The following DMD variants were observed in gnomAD, a reference collection of about 807,000 sequenced individuals.
The protein encoded by DMD is dystrophin.
In DMD, 63 loss-of-function variants were observed where a neutral mutation model predicts 330.1. That is an observed-to-expected ratio of 0.19 (90% CI 0.16 to 0.24). The LOEUF (loss-of-function observed/expected upper bound fraction) is 0.24, where lower values mean the gene tolerates loss of function less well. DMD is among the 10% of genes least tolerant of loss of function. The pLI, the probability that DMD is intolerant of heterozygous loss-of-function variation, is 1.00. For synonymous variants in DMD, 1,223 were observed against 959.8 expected (o/e 1.27, Z -5.07); for missense variants, 3,344 against 2,684.1 (o/e 1.25, Z -5.43).
At chrX:32,483,146 C>CATATATATATATAT (rs201134649) in intron 21 of DMD, among the ~76,000 whole-genome samples, 22 of 39,284 alleles carry the variant, frequency 5.6e-4, no homozygotes, top group African/African-American at 1.3e-3. Flanking sequence ...TTTTTCATTC[C>CATATATATATATAT]ATATATATAT....
intron 54 of DMD, among the ~76,000 whole-genome samples, chrX:31,643,151 T>C (rs1207319278): frequency 2.7e-5 from 3 of 111,694 alleles, no homozygotes; most frequent in African/African-American, 9.8e-5. Flanking sequence ...TGAATAAATG[T>C]CAATAGGAAA....
chrX:32,236,793 T>G (rs1277021476), intron 43 of DMD, among the ~76,000 whole-genome samples: 1 of 111,896 alleles, frequency 8.9e-6, no homozygotes. Flanking sequence ...GAAAACCGAC[T>G]AATATGAAGT....
intron 44 of DMD, among the ~76,000 whole-genome samples, chrX:32,020,156 T>G (rs772191742): frequency 8.0e-5 from 9 of 112,600 alleles, no homozygotes; most frequent in Non-Finnish European, 1.5e-4. Context: ...CTGTCTTTCT[T>G]TCAATTAAAA....
At chrX:33,021,099 C>G (rs2093906054) in intron 1 of DMD, among the ~76,000 whole-genome samples, 1 of 111,269 alleles carries the variant, frequency 9.0e-6, no homozygotes, top group Admixed American at 9.6e-5. Flanking sequence ...TCTAAAATTT[C>G]TAGGACCTCT....
chrX:32,059,336 T>C (rs762828162), intron 44 of DMD, among the ~76,000 whole-genome samples: 6 of 110,822 alleles, frequency 5.4e-5, no homozygotes, highest in Non-Finnish European at 9.5e-5. Context: ...TGCCAACTGG[T>C]TGGGAAATGG....
intron 17 of DMD, among the ~76,000 whole-genome samples, chrX:32,518,895 T>C (rs2148810855): frequency 9.1e-6 from 1 of 109,578 alleles, no homozygotes; most frequent in Admixed American, 9.8e-5. Context: ...CGTTGAAGAA[T>C]TAGGAGAAAT....
chrX:31,340,818 A>G (rs2057689421), intron 61 of DMD, among the ~76,000 whole-genome samples: 1 of 112,234 alleles, frequency 8.9e-6, no homozygotes, highest in Non-Finnish European at 1.9e-5. Flanking sequence ...TTCTGTAAAT[A>G]TTTACTGAAC....
intron 41 of DMD, among the ~76,000 whole-genome samples, chrX:32,322,887 G>A (rs2097626338): frequency 8.9e-6 from 1 of 111,957 alleles, no homozygotes; most frequent in East Asian, 2.9e-4. Context: ...CCATCATGAT[G>A]ACTGCAAAGC....
At chrX:32,098,502 A>C (rs2096523453) in intron 44 of DMD, among the ~76,000 whole-genome samples, 2 of 111,790 alleles carry the variant, frequency 1.8e-5, no homozygotes, top group South Asian at 3.7e-4. Context: ...GAAAATGAGA[A>C]TTTTCATGTG....
chrX:31,347,013 AAAAAAAAAAAAAAAAAAAAAAAAG>A (rs2058119612), intron 61 of DMD, among the ~76,000 whole-genome samples: 2 of 75,782 alleles, frequency 2.6e-5, no homozygotes, highest in Admixed American at 3.0e-4. Context: ...AAAAAAAAAA[AAAAAAAAAAAAAAAAAAAAAAAAG>A]GAAGGATGCA....
At chrX:32,056,858 C>G (rs931158365) in intron 44 of DMD, among the ~76,000 whole-genome samples, 1 of 110,672 alleles carries the variant, frequency 9.0e-6, no homozygotes, top group South Asian at 3.7e-4. Flanking sequence ...AATATAGAAG[C>G]AAAATAACTC....
At chrX:31,618,988 C>A (rs954716868) in intron 55 of DMD, among the ~76,000 whole-genome samples, 10 of 111,273 alleles carry the variant, frequency 9.0e-5, no homozygotes, top group Non-Finnish European at 1.7e-4. Context: ...AGTTACCCAG[C>A]CTCTCAGTTT....
rs1010272916 is a variant in DMD at position 31,269,347 on chromosome X, ATAT to A, written c.9225-8334_9225-8332del. Among the ~76,000 whole-genome samples, 6 of 110,648 alleles carry A rather than the reference ATAT, an allele frequency of 5.4e-5. 1 individual carries two copies. The highest frequency in any genetic ancestry group is 9.5e-5 in the Non-Finnish European group (5 of 52,867). On this transcript the variant is annotated intron_variant, in intron 62 of 78. Transcript: ENST00000357033. The stretch of plus-strand genomic sequence containing the variant: ...GTTTCTTCTTCTCCTCCTTCTGATT[ATAT>A]TATTATTATTATTATTACTGTTTTG...
intron 50 of DMD, among the ~76,000 whole-genome samples, chrX:31,814,125 T>G (rs1269284260): frequency 2.7e-5 from 3 of 110,796 alleles, no homozygotes; most frequent in Non-Finnish European, 5.7e-5. Context: ...CTAATTACAC[T>G]TGAGACTTGC....
chrX:32,632,662 G>A (rs960041797), intron 11 of DMD, among the ~76,000 whole-genome samples: 1 of 109,189 alleles, frequency 9.2e-6, no homozygotes, highest in African/African-American at 3.4e-5. Flanking sequence ...ACCCGCTGGA[G>A]CTGTGGCCCA....
At chrX:31,232,215 G>A (rs2047287392) in intron 63 of DMD, among the ~76,000 whole-genome samples, 1 of 110,181 alleles carries the variant, frequency 9.1e-6, no homozygotes, top group African/African-American at 3.3e-5. Flanking sequence ...GGCCTGACAG[G>A]TAGGCAGGGG....
intron 1 of DMD, among the ~76,000 whole-genome samples, chrX:33,193,518 A>G (rs955173574): frequency 2.7e-5 from 3 of 112,355 alleles, no homozygotes; most frequent in Non-Finnish European, 3.8e-5. Flanking sequence ...GCAATTGGAA[A>G]GATACTTGGT....
chrX:31,354,496 A>C (rs2058575565), intron 60 of DMD, among the ~76,000 whole-genome samples: 1 of 111,619 alleles, frequency 9.0e-6, no homozygotes, highest in Admixed American at 9.6e-5. Flanking sequence ...TAGATTTAAA[A>C]ATGTAAAACG....
At chrX:31,253,486 C>T (rs1463946815) in intron 63 of DMD, among the ~76,000 whole-genome samples, 1 of 111,581 alleles carries the variant, frequency 9.0e-6, no homozygotes, top group Non-Finnish European at 1.9e-5. Context: ...AGAGCATCCT[C>T]AGGAGGGAAT....
Sources: gnomAD v4.1 joint callset for allele counts (sites outside exome capture counted in the v4.1 genomes callset) on GRCh38, gnomAD v4.1.1 for gene constraint, MANE v1.5 for transcripts, NCBI Gene and HGNC (gene_info 2026-07-23, HGNC 2026-07-21) for gene names.